The following FAM149A variants were observed in gnomAD, a reference collection of about 807,000 sequenced individuals.
FAM149A encodes the protein protein FAM149A.
In FAM149A, 71 loss-of-function variants were observed where a neutral mutation model predicts 78.2. The observed-to-expected ratio is 0.91, with a 90% CI of 0.75 to 1.11. The LOEUF is 1.11. FAM149A is among the 50% of genes least tolerant of loss of function. The pLI is 0.00. For synonymous variants in FAM149A, 446 were observed against 410.5 expected, an observed-to-expected ratio of 1.09 and a Z score of -1.04; for missense variants, 1,036 against 971.0, an observed-to-expected ratio of 1.07 and a Z score of -0.89.
chr4:186,127,109 G>C, intron 1 of FAM149A: 2 of 985,346 alleles, frequency 2.0e-6, no homozygotes, highest in Non-Finnish European at 2.4e-6. Flanking sequence ...CTGCCTTCCT[G>C]CCAGGCAGAA....
chr4:186,124,536 A>G lies in FAM149A; in HGVS notation c.566+18894A>G, dbSNP rs534224104. On this transcript the variant is annotated intron_variant, in intron 1 of 13. Transcript: ENST00000389354. ...GTGTTTGGGTTTCTGTCCTTGTGAC[A>G]GTTTGCTCAGAATGATGGTTTTCAG... is the stretch of plus-strand genomic sequence containing the variant. Among the ~76,000 whole-genome samples, 607 of 151,134 alleles carry G rather than the reference A, an allele frequency of 4.0e-3. 6 individuals carry two copies. Among genetic ancestry groups the G allele is most frequent in the Middle Eastern group, 6.8e-3 (2 of 292 alleles).
intron 1 of FAM149A, among the ~76,000 whole-genome samples, chr4:186,114,015 T>A (rs369672746): frequency 2.8e-5 from 4 of 143,534 alleles, no homozygotes; most frequent in Non-Finnish European, 3.0e-5. Flanking sequence ...CCCATTATTA[T>A]TGTGTGGGAG....
intron 1 of FAM149A, among the ~76,000 whole-genome samples, chr4:186,143,415 C>CAT (rs1440153380): frequency 2.0e-5 from 3 of 151,644 alleles, no homozygotes; most frequent in Non-Finnish European, 4.4e-5. Flanking sequence ...CATACACACA[C>CAT]ATCACACATA....
intron 8 of FAM149A, among the ~76,000 whole-genome samples, chr4:186,161,908 A>T (rs968383838): frequency 6.6e-6 from 1 of 152,062 alleles, no homozygotes; most frequent in South Asian, 2.1e-4. Context: ...ATTTGAAAAA[A>T]TTTTTAATTT....
At chr4:186,131,292 G>A (rs2126356423) in intron 1 of FAM149A, among the ~76,000 whole-genome samples, 1 of 152,118 alleles carries the variant, frequency 6.6e-6, no homozygotes, top group South Asian at 2.1e-4. Context: ...AGGTTGCAGT[G>A]AGCTGAGATC....
chr4:186,162,442 T>A (rs1259298803), intron 8 of FAM149A, among the ~76,000 whole-genome samples: 3 of 152,162 alleles, frequency 2.0e-5, no homozygotes, highest in Non-Finnish European at 4.4e-5. Flanking sequence ...ACCACACCAG[T>A]GCTCCCTTGC....
chr4:186,146,619 G>T, intron 1 of FAM149A: 8 of 783,974 alleles, frequency 1.0e-5, no homozygotes, highest in Non-Finnish European at 1.2e-5. Flanking sequence ...TGGCTTCAAA[G>T]TTGCACAAAA....
At chr4:186,154,928 A>C in intron 6 of FAM149A, 1 of 984,400 alleles carries the variant, frequency 1.0e-6, no homozygotes, top group Non-Finnish European at 1.2e-6. Context: ...AAAGGGCCTA[A>C]GGGGAGTTCC....
intron 1 of FAM149A, among the ~76,000 whole-genome samples, chr4:186,135,087 C>T (rs1413733744): frequency 1.3e-5 from 2 of 152,162 alleles, no homozygotes; most frequent in East Asian, 1.9e-4. Flanking sequence ...CACCAGAGAC[C>T]GGGGTGGGGC....
At chr4:186,157,343 TG>T (rs1734115423) in intron 7 of FAM149A, among the ~76,000 whole-genome samples, 2 of 152,324 alleles carry the variant, frequency 1.3e-5, no homozygotes, top group African/African-American at 4.8e-5. Flanking sequence ...GCTGAGAATC[TG>T]TATTGCCCAC....
rs201888498 is a variant in FAM149A, at chr4:186,163,680, A to G, written c.1889+47A>G. 9.3e-6 allele frequency: 13 copies of G among 1,400,964 alleles called. No homozygotes were observed. The East Asian group carries it at 2.8e-4, about 30-fold the overall frequency. The allele number at this position is 1,400,964 out of a possible 1,614,324, so 86.8% of individuals were successfully genotyped here. A position where few individuals can be genotyped will look rare whatever the true frequency, so the allele number is the denominator to read the frequency against. ...GTAAACTAAAGGCCACGGAGGACCT[A>G]GATGCTTCTCAGTTAGGGTTTATGG... On this transcript the variant is annotated intron_variant, in intron 10 of 13. Coordinates refer to ENST00000389354, the MANE Select transcript of FAM149A (RefSeq NM_001367768.3).
chr4:186,144,773 C>T lies in FAM149A; in HGVS notation c.567-4400C>T. On this transcript the variant is annotated intron_variant, in intron 1 of 13. Transcript: ENST00000389354. The surrounding 1 kb of genome is among the most constrained non-coding windows in gnomAD (Gnocchi z 4.2). ...CGGAGCGGGGATGGGCGGGCGCAGC[C>T]GGGATTAGCTGGCGGGCGAGGGCGC... The T allele has an allele frequency of 1.0e-6, 1 of 966,704 alleles. No individual in the cohort carries two copies. Among genetic ancestry groups the T allele is most frequent in the Non-Finnish European group, 1.2e-6 (1 of 813,252 alleles). 59.9% of individuals were successfully genotyped at this position (966,704 alleles called of 1,614,324 possible). A position where few individuals can be genotyped will look rare whatever the true frequency, so the allele number is the denominator to read the frequency against.
In FAM149A at chr4:186,157,722, C is replaced by T. The variant is rs138257697; in HGVS notation, c.1575+3C>T. 4.7e-4 allele frequency: 751 copies of T among 1,603,588 alleles called. 2 individuals carry two copies. In the African/African-American group the frequency reaches 9.1e-3, roughly 20 times the overall value. On this transcript the variant is annotated splice_donor_region_variant and intron_variant, in intron 8 of 13. Coordinates refer to ENST00000389354, the MANE Select transcript of FAM149A (RefSeq NM_001367768.3). ...CTTCTCGTCTGAACCCGCCCCAGGT[C>T]GGTGCTTTCACACCCTTCTCCCTCT... is the stretch of plus-strand genomic sequence containing the variant.
At position 186,136,976 on chromosome 4, in the gene FAM149A, TTCTCTCTC is replaced by T. The variant is rs70964917; in HGVS notation, c.567-12161_567-12154del. Reference sequence around the variant, plus strand: ...TCTCTCTCTCTCTTTCTCTCTCTCTTTCTCTCTCTCTCTCTCTCTCTCTCTCTCTCTCT... The same window carrying T: ...TCTCTCTCTCTCTTTCTCTCTCTCTTTCTCTCTCTCTCTCTCTCTCTCTCT... On this transcript the variant is annotated intron_variant, in intron 1 of 13. Transcript: ENST00000389354. Among the ~76,000 whole-genome samples, 213 of 72,062 alleles carry T rather than the reference TTCTCTCTC, an allele frequency of 3.0e-3. 1 individual carries two copies. Among genetic ancestry groups the T allele is most frequent in the Middle Eastern group, 8.3e-3 (1 of 120 alleles). The allele number at this position is 72,062 out of a possible 152,430, so 47.3% of individuals were successfully genotyped here. A position where few individuals can be genotyped will look rare whatever the true frequency, so the allele number is the denominator to read the frequency against.
At chr4:186,132,872 C>T in intron 1 of FAM149A, 1 of 707,320 alleles carries the variant, frequency 1.4e-6, no homozygotes, top group Non-Finnish European at 1.7e-6. Context: ...AACTGGGGTC[C>T]CAAGTTTCTG....
Position 186,149,415 on chromosome 4 carries a change from CACTG to C in FAM149A, c.677+133_677+136del, listed in dbSNP as rs1733297157. Reference sequence around the variant, plus strand: ...TATTTTTAACCTAGTGTAAACATCACACTGTAAAAATATTTCAAAATTAGTATAC... The same window carrying C: ...TATTTTTAACCTAGTGTAAACATCACTAAAAATATTTCAAAATTAGTATAC... On this transcript the variant is annotated intron_variant, in intron 2 of 13. Coordinates refer to ENST00000389354, the MANE Select transcript of FAM149A (RefSeq NM_001367768.3). The C allele has an allele frequency of 9.1e-6, 10 of 1,095,694 alleles. No homozygotes were observed. In the East Asian group the frequency reaches 6.0e-4, roughly 65 times the overall value. 67.9% of individuals were successfully genotyped at this position (1,095,694 alleles called of 1,614,324 possible). A position where few individuals can be genotyped will look rare whatever the true frequency, so the allele number is the denominator to read the frequency against.
At chr4:186,143,482 C>G (rs1479798626) in intron 1 of FAM149A, among the ~76,000 whole-genome samples, 1 of 152,110 alleles carries the variant, frequency 6.6e-6, no homozygotes, top group Non-Finnish European at 1.5e-5. Context: ...TTTATAACCA[C>G]TTACCACTTT....
intron 11 of FAM149A, among the ~76,000 whole-genome samples, chr4:186,166,294 G>T (rs1735020144): frequency 6.6e-6 from 1 of 152,174 alleles, no homozygotes; most frequent in African/African-American, 2.4e-5. Flanking sequence ...GCCCAGCACT[G>T]GAACCCATTC....
In FAM149A at chr4:186,152,069, C is replaced by T. The variant is rs1002192300; in HGVS notation, c.932+24C>T. ...AGGTGGGACCTTGGTGGTGGAAGTT[C>T]TCTGGGGTGGGTTTTCCAAGCACCC... is the stretch of plus-strand genomic sequence containing the variant. On this transcript the variant is annotated intron_variant, in intron 4 of 13. Coordinates refer to ENST00000389354, the MANE Select transcript of FAM149A (RefSeq NM_001367768.3). The T allele has an allele frequency of 1.9e-6, 3 of 1,612,052 alleles. No homozygotes were observed. The African/African-American group carries it at 4.0e-5, about 22-fold the overall frequency.
Sources: allele counts gnomAD v4.1 joint callset (sites outside exome capture counted in the v4.1 genomes callset), GRCh38; gene constraint gnomAD v4.1.1; non-coding constraint Gnocchi (gnomAD v3.1); transcripts MANE v1.5; gene names NCBI Gene and HGNC (gene_info 2026-07-23, HGNC 2026-07-21).